The following PTPRE variants were observed in gnomAD, a reference collection of about 807,000 sequenced individuals.
PTPRE encodes the protein protein tyrosine phosphatase receptor type E, also known as receptor-type tyrosine-protein phosphatase epsilon.
Under a neutral mutation model 102.0 loss-of-function variants are expected in PTPRE, and 51 were observed. That is an observed-to-expected ratio of 0.50 (90% CI 0.40 to 0.63). The LOEUF (loss-of-function observed/expected upper bound fraction) is 0.63. PTPRE is among the 30% of genes least tolerant of loss of function. The pLI is 0.00. For synonymous variants in PTPRE, 345 were observed against 348.2 expected (o/e 0.99, Z 0.10); for missense variants, 752 against 915.1 (o/e 0.82, Z 2.30).
intron 1 of PTPRE, among the ~76,000 whole-genome samples, chr10:127,913,462 T>C (rs898232014): frequency 6.6e-6 from 1 of 152,240 alleles, no homozygotes; most frequent in Non-Finnish European, 1.5e-5. Context: ...TCCTATCACA[T>C]AGCTACTTGA....
chr10:127,982,489 C>CGT (rs59170572), intron 2 of PTPRE, among the ~76,000 whole-genome samples, 193 bp downstream of exon 2: 12,283 of 142,556 alleles, frequency 0.086, 520 homozygotes, highest in Middle Eastern at 0.16. Context: ...ACATCATTTG[C>CGT]GTGTGTGTGT....
At chr10:127,953,818 T>C (rs2135356637) in intron 1 of PTPRE, among the ~76,000 whole-genome samples, 1 of 152,306 alleles carries the variant, frequency 6.6e-6, no homozygotes, top group East Asian at 1.9e-4. Context: ...GGAAATCTTC[T>C]CAATGGGCAA....
At position 128,005,407 on chromosome 10, in the gene PTPRE, C is replaced by A. The variant is rs1412147843; in HGVS notation, c.-8+23111C>A. Among the ~76,000 whole-genome samples the A allele has an allele frequency of 1.3e-5, 2 of 152,216 alleles. 1 individual carries two copies. Among genetic ancestry groups the A allele is most frequent in the East Asian group, 3.8e-4 (2 of 5,198 alleles). ...AATCCTTGCTCATCTACCTTTTTCA[C>A]AAAGAGAGAACAGGCTCTAACCCAA... On this transcript the variant is annotated intron_variant, in intron 2 of 20. Transcript: ENST00000254667.
intron 17 of PTPRE, 97 bp downstream of exon 17, chr10:128,073,568 A>C: frequency 2.7e-6 from 4 of 1,460,928 alleles, no homozygotes; most frequent in East Asian, 2.5e-5. Context: ...CATCACTGCA[A>C]ACACATGGGT....
At chr10:127,996,325 C>T (rs916852162) in intron 2 of PTPRE, among the ~76,000 whole-genome samples, 4 of 152,200 alleles carry the variant, frequency 2.6e-5, no homozygotes, top group African/African-American at 4.8e-5. Context: ...CCGTCAAAAT[C>T]GCTTTCCACC....
chr10:128,067,029 C>G (rs1218590098), intron 11 of PTPRE, among the ~76,000 whole-genome samples: 3 of 151,340 alleles, frequency 2.0e-5, no homozygotes, highest in African/African-American at 4.9e-5. Context: ...CAGGCACGCA[C>G]ATGCACATAC....
At chr10:128,015,025 C>A (rs1342494674) in intron 2 of PTPRE, among the ~76,000 whole-genome samples, 1 of 152,172 alleles carries the variant, frequency 6.6e-6, no homozygotes, top group African/African-American at 2.4e-5. Context: ...CATGTGGACT[C>A]CTCTGATTCT....
At position 127,986,022 on chromosome 10, in the gene PTPRE, C is replaced by T. The variant is rs534952943; in HGVS notation, c.-8+3726C>T. On this transcript the variant is annotated intron_variant, in intron 2 of 20. Transcript: ENST00000254667. Reference sequence around the variant, plus strand: ...ATGAGAATTGCTTAAACCTTGGAGGCGGAGGTTGCAGCGAGCCAAGATCAC... The same window carrying T: ...ATGAGAATTGCTTAAACCTTGGAGGTGGAGGTTGCAGCGAGCCAAGATCAC... 1.3e-4 allele frequency among the ~76,000 whole-genome samples: 20 copies of T among 151,890 alleles called. No homozygotes were observed. The East Asian group carries it at 3.7e-3, about 28-fold the overall frequency.
At chr10:127,943,653 G>A (rs1036386668) in intron 1 of PTPRE, among the ~76,000 whole-genome samples, 1 of 152,208 alleles carries the variant, frequency 6.6e-6, no homozygotes, top group Non-Finnish European at 1.5e-5. Flanking sequence ...GGCAGCTGAG[G>A]TGACTCTGAT....
chr10:127,954,827 C>T (rs1222752630), intron 1 of PTPRE, among the ~76,000 whole-genome samples: 1 of 152,028 alleles, frequency 6.6e-6, no homozygotes, highest in East Asian at 1.9e-4. Flanking sequence ...CTCCTAGTGA[C>T]CCACTAGCAA....
At chr10:127,951,566 G>T (rs756642061) in intron 1 of PTPRE, among the ~76,000 whole-genome samples, 13 of 152,134 alleles carry the variant, frequency 8.5e-5, no homozygotes, top group Non-Finnish European at 1.6e-4. Context: ...GGACTCAGGG[G>T]GTCCCTGACC....
intron 1 of PTPRE, among the ~76,000 whole-genome samples, chr10:127,961,247 C>A (rs1001606472): frequency 1.3e-5 from 2 of 152,178 alleles, no homozygotes; most frequent in South Asian, 2.1e-4. Context: ...AGCAAAATAT[C>A]CCAGCTGCAG....
chr10:127,980,876 A>C (rs1266939426), intron 1 of PTPRE, among the ~76,000 whole-genome samples: 1 of 152,218 alleles, frequency 6.6e-6, no homozygotes, highest in Non-Finnish European at 1.5e-5. Context: ...TTAGTGGAAA[A>C]CATCATGTAC....
chr10:127,923,567 C>T (rs990913496), intron 1 of PTPRE, among the ~76,000 whole-genome samples: 7 of 152,026 alleles, frequency 4.6e-5, no homozygotes, highest in African/African-American at 1.7e-4. Flanking sequence ...CCATGCTTGG[C>T]TAATTTTTGT....
At chr10:128,047,705 G>T in intron 4 of PTPRE, 59 bp from the exon 5 acceptor site, 1 of 1,614,112 alleles carries the variant, frequency 6.2e-7, no homozygotes, top group Non-Finnish European at 8.5e-7. Context: ...TGTGCCGAGC[G>T]CTGTTGGCTC....
intron 10 of PTPRE, among the ~76,000 whole-genome samples, chr10:128,065,071 T>C: frequency 6.6e-6 from 1 of 152,310 alleles, no homozygotes; most frequent in Non-Finnish European, 1.5e-5. Flanking sequence ...GCATTTGCAA[T>C]TCCCCTGGGC....
intron 1 of PTPRE, among the ~76,000 whole-genome samples, chr10:127,908,686 G>T (rs550624373): frequency 1.3e-5 from 2 of 152,162 alleles, no homozygotes; most frequent in African/African-American, 4.8e-5. Flanking sequence ...TGGGGGCTGC[G>T]CTGTCAGTGA....
chr10:128,012,809 T>A (rs1845127157), intron 2 of PTPRE, among the ~76,000 whole-genome samples: 1 of 152,076 alleles, frequency 6.6e-6, no homozygotes, highest in African/African-American at 2.4e-5. Flanking sequence ...TTCAGGGGAG[T>A]GTGGTCTCCC....
At chr10:128,003,992 G>A (rs920061002) in intron 2 of PTPRE, among the ~76,000 whole-genome samples, 1 of 151,486 alleles carries the variant, frequency 6.6e-6, no homozygotes, top group Non-Finnish European at 1.5e-5. Flanking sequence ...CTTAGCTGTA[G>A]GACAATTTAC....
Sources: gnomAD v4.1 joint callset for allele counts (sites outside exome capture counted in the v4.1 genomes callset) on GRCh38, gnomAD v4.1.1 for gene constraint, MANE v1.5 for transcripts, NCBI Gene and HGNC (gene_info 2026-07-23, HGNC 2026-07-21) for gene names.